Variants in GABBR2 observed in about 807,000 individuals in gnomAD.
The protein encoded by GABBR2 is G-protein coupled receptor 51.
Under a neutral mutation model 105.6 loss-of-function variants are expected in GABBR2, and 23 were observed. The observed-to-expected ratio is 0.22, with a 90% confidence interval of 0.16 to 0.31. The LOEUF is 0.31. Among genes scored for constraint, GABBR2 ranks in the 10% least tolerant of loss-of-function variants. The pLI, the probability that GABBR2 is intolerant of heterozygous loss-of-function variation, is 1.00. For missense variants in GABBR2, 734 were observed against 1,245.5 expected (o/e 0.59, Z 6.18); for synonymous variants, 478 against 499.7 (o/e 0.96, Z 0.58).
chr9:98,432,937 T>G (rs1298469356), intron 7 of GABBR2, among the ~76,000 whole-genome samples: 1 of 152,174 alleles, frequency 6.6e-6, no homozygotes, highest in African/African-American at 2.4e-5. Context: ...CCAGGCTGGA[T>G]GTCTGCTCCA....
At chr9:98,585,650 A>C (rs2131788976) in intron 1 of GABBR2, among the ~76,000 whole-genome samples, 1 of 152,174 alleles carries the variant, frequency 6.6e-6, no homozygotes, top group Admixed American at 6.5e-5. Flanking sequence ...ATAATAATAA[A>C]ATTAAAAAAA....
At chr9:98,468,278 C>T (rs999269494) in intron 6 of GABBR2, among the ~76,000 whole-genome samples, 2 of 152,152 alleles carry the variant, frequency 1.3e-5, no homozygotes, top group Non-Finnish European at 2.9e-5. Context: ...GACAGGCATA[C>T]AAAGGAGGGA....
Position 98,306,403 on chromosome 9 carries a change from G to C in GABBR2, c.2005-58C>G, listed in dbSNP as rs1238276756. The C allele has an allele frequency of 8.2e-7, 1 of 1,226,086 alleles. No homozygotes were observed. The highest frequency in any genetic ancestry group is 1.5e-5 in the African/African-American group (1 of 67,716). 76.0% of individuals were successfully genotyped at this position (1,226,086 alleles called of 1,614,324 possible). A position where few individuals can be genotyped will look rare whatever the true frequency, so the allele number is the denominator to read the frequency against. On this transcript the variant is annotated intron_variant, in intron 14 of 18. Transcript: ENST00000259455. This position sits in a 1 kb window ranked among gnomAD's most constrained non-coding sequence, Gnocchi z 5.4. The stretch of plus-strand genomic sequence containing the variant: ...CGTTACCAAGGGGTGGCACACACAG[G>C]CTGCTCTGAGAAGCTGTGGAGTGGA...
intron 4 of GABBR2, among the ~76,000 whole-genome samples, chr9:98,482,377 C>T (rs1001765153): frequency 6.6e-6 from 1 of 152,122 alleles, no homozygotes; most frequent in Non-Finnish European, 1.5e-5. Flanking sequence ...TTTAAAAGAT[C>T]GTTAACAGAG....
chr9:98,606,958 C>T (rs544157033), intron 1 of GABBR2: 93 of 744,108 alleles, frequency 1.2e-4, no homozygotes, highest in East Asian at 7.0e-4. Flanking sequence ...CCCGCGGCTC[C>T]GCCTGCATCC....
chr9:98,495,280 C>T (rs564354325), intron 4 of GABBR2, among the ~76,000 whole-genome samples: 1 of 152,354 alleles, frequency 6.6e-6, no homozygotes, highest in African/African-American at 2.4e-5. Flanking sequence ...CATCTGTGAA[C>T]TGGAGGATTT....
intron 1 of GABBR2, among the ~76,000 whole-genome samples, chr9:98,687,471 G>A (rs1830634099): frequency 6.6e-6 from 1 of 152,162 alleles, no homozygotes; most frequent in South Asian, 2.1e-4. Context: ...ATTGGGTGAT[G>A]CAAAGATGGA....
chr9:98,371,406 G>A (rs745441700), intron 12 of GABBR2, 58 bp downstream of exon 12: 3 of 915,064 alleles, frequency 3.3e-6, no homozygotes, highest in Non-Finnish European at 3.6e-6. Flanking sequence ...GTATATACTT[G>A]CTAGATAAAT....
At chr9:98,387,925 C>G (rs1322382959) in intron 10 of GABBR2, among the ~76,000 whole-genome samples, 1 of 152,160 alleles carries the variant, frequency 6.6e-6, no homozygotes, top group Non-Finnish European at 1.5e-5. Context: ...CAGAATCAGA[C>G]TTGTTCCCGA....
chr9:98,400,865 T>C (rs1336227205), intron 8 of GABBR2, among the ~76,000 whole-genome samples: 3 of 151,910 alleles, frequency 2.0e-5, no homozygotes, highest in Non-Finnish European at 4.4e-5. Flanking sequence ...TTGCCTTTCC[T>C]TGGGGGAGGT....
Position 98,289,154 on chromosome 9 carries a change from G to GGTCAGA in GABBR2, c.*1424_*1429dup, listed in dbSNP as rs1830247163. ...ACCCCCGGCTGTAGGGAGGGCTGAA[G>GGTCAGA]GTCAGAGTCATACTCATACCTCACG... On this transcript the variant is annotated 3_prime_UTR_variant, in exon 19 of 19. Transcript: ENST00000259455. 1 of 152,692 alleles carries GGTCAGA rather than the reference G, an allele frequency of 6.5e-6. No homozygotes were observed. The highest frequency in any genetic ancestry group is 2.4e-5 in the African/African-American group (1 of 41,460). The allele number at this position is 152,692 out of a possible 1,614,324, so 9.5% of individuals were successfully genotyped here.
At chr9:98,409,605 G>A (rs1277573735) in intron 7 of GABBR2, among the ~76,000 whole-genome samples, 1 of 152,184 alleles carries the variant, frequency 6.6e-6, no homozygotes, top group Admixed American at 6.5e-5. Context: ...TCTGGCTCCT[G>A]TTGAGATGCC....
At chr9:98,606,999 G>A in intron 1 of GABBR2, 1 of 904,486 alleles carries the variant, frequency 1.1e-6, no homozygotes, top group Non-Finnish European at 1.8e-6. Context: ...TCGCTCGGTA[G>A]CTCAACAGAA....
intron 1 of GABBR2, among the ~76,000 whole-genome samples, chr9:98,612,960 C>G (rs1176544801): frequency 6.6e-6 from 1 of 152,180 alleles, no homozygotes; most frequent in Non-Finnish European, 1.5e-5. Context: ...TTCCTCTGCT[C>G]TAGAGGAAAG....
At chr9:98,525,310 A>G (rs1351159452) in intron 3 of GABBR2, among the ~76,000 whole-genome samples, 2 of 152,240 alleles carry the variant, frequency 1.3e-5, no homozygotes, top group Non-Finnish European at 2.9e-5. Context: ...CTCAATAACA[A>G]AAAGACAAAC....
intron 2 of GABBR2, among the ~76,000 whole-genome samples, chr9:98,546,653 A>G (rs1413906576): frequency 6.6e-6 from 1 of 152,122 alleles, no homozygotes; most frequent in Non-Finnish European, 1.5e-5. Context: ...CCTTTTATTC[A>G]TATTCTATTA....
At chr9:98,384,683 A>T (rs1832040398) in intron 11 of GABBR2, among the ~76,000 whole-genome samples, 1 of 152,348 alleles carries the variant, frequency 6.6e-6, no homozygotes, top group East Asian at 1.9e-4. Flanking sequence ...TAATCTTTCT[A>T]ATGTATAGTA....
At chr9:98,676,350 A>G (rs1830477433) in intron 1 of GABBR2, among the ~76,000 whole-genome samples, 1 of 152,274 alleles carries the variant, frequency 6.6e-6, no homozygotes, top group Admixed American at 6.5e-5. Flanking sequence ...CCAGACCTCC[A>G]GAACTATAAG....
chr9:98,638,835 G>A (rs888032515), intron 1 of GABBR2, among the ~76,000 whole-genome samples: 5 of 152,164 alleles, frequency 3.3e-5, no homozygotes, highest in Non-Finnish European at 7.3e-5. Flanking sequence ...AAGGTCTTCC[G>A]AACTCAGATC....
Sources: gnomAD v4.1 joint callset for allele counts (sites outside exome capture counted in the v4.1 genomes callset) on GRCh38, gnomAD v4.1.1 for gene constraint, Gnocchi (gnomAD v3.1) non-coding constraint, MANE v1.5 for transcripts, NCBI Gene and HGNC (gene_info 2026-07-23, HGNC 2026-07-21) for gene names.